LRRTM3: variants seen among roughly 807,000 people sequenced by gnomAD.
LRRTM3 encodes the protein leucine rich repeat transmembrane neuronal 3.
LRRTM3 carries 24 observed loss-of-function variants against 44.7 expected under a neutral mutation model. The observed-to-expected ratio is 0.54, with a 90% CI of 0.39 to 0.76. LRRTM3 has a LOEUF of 0.76. LRRTM3 is among the 30% of genes least tolerant of loss of function. The pLI is 0.00. For missense variants in LRRTM3, 587 were observed against 702.2 expected (o/e 0.84, Z 1.85); for synonymous variants, 277 against 278.7 (o/e 0.99, Z 0.06).
chr10:66,962,347 C>A, intron 2 of LRRTM3, among the ~76,000 whole-genome samples: 1 of 152,050 alleles, frequency 6.6e-6, no homozygotes, highest in East Asian at 1.9e-4. Context: ...GCCTATAATA[C>A]TCTTGCCCCA....
intron 2 of LRRTM3, among the ~76,000 whole-genome samples, chr10:67,014,468 T>C (rs1589604535): frequency 6.6e-6 from 1 of 152,308 alleles, no homozygotes; most frequent in Admixed American, 6.5e-5. Flanking sequence ...TTGTAACATA[T>C]GCATTCTTGA....
At chr10:67,053,704 C>A (rs145147467) in intron 2 of LRRTM3, among the ~76,000 whole-genome samples, 191 of 151,874 alleles carry the variant, frequency 1.3e-3, no homozygotes, top group Middle Eastern at 3.4e-3. Context: ...AGAGCAAAAA[C>A]AAATGAAAAA....
intron 2 of LRRTM3, among the ~76,000 whole-genome samples, chr10:67,092,265 G>A (rs538884692): frequency 1.3e-5 from 2 of 151,984 alleles, no homozygotes; most frequent in East Asian, 3.9e-4. Flanking sequence ...GATTTCCCCT[G>A]TGATATATGA....
At chr10:66,932,774 T>C (rs1431586246) in intron 2 of LRRTM3, among the ~76,000 whole-genome samples, 1 of 152,192 alleles carries the variant, frequency 6.6e-6, no homozygotes, top group East Asian at 1.9e-4. Context: ...GGACCCAAAT[T>C]CTTTTAGCCT....
intron 2 of LRRTM3, among the ~76,000 whole-genome samples, chr10:67,044,455 A>G (rs1188652958): frequency 6.6e-6 from 1 of 152,086 alleles, no homozygotes; most frequent in Non-Finnish European, 1.5e-5. Flanking sequence ...AAGGGAGTCA[A>G]AATGGATTGT....
chr10:67,093,050 G>C (rs905236025), intron 2 of LRRTM3, among the ~76,000 whole-genome samples: 1 of 151,866 alleles, frequency 6.6e-6, no homozygotes, highest in Non-Finnish European at 1.5e-5. Flanking sequence ...CTTGGAAAAC[G>C]GTGATTTAGA....
At chr10:66,949,268 T>G (rs562934295) in intron 2 of LRRTM3, among the ~76,000 whole-genome samples, 1 of 152,232 alleles carries the variant, frequency 6.6e-6, no homozygotes, top group South Asian at 2.1e-4. Flanking sequence ...AAAATCACTA[T>G]GGCCAGACCA....
intron 2 of LRRTM3, among the ~76,000 whole-genome samples, chr10:67,013,912 G>A (rs895345181): frequency 1.3e-5 from 2 of 152,088 alleles, no homozygotes; most frequent in African/African-American, 4.8e-5. Flanking sequence ...GCCATTTGGG[G>A]TGTGAAAAGG....
chr10:66,979,434 G>T (rs1180513493), intron 2 of LRRTM3, among the ~76,000 whole-genome samples: 1 of 152,102 alleles, frequency 6.6e-6, no homozygotes, highest in Admixed American at 6.6e-5. Flanking sequence ...TTAAAAGAAA[G>T]AATGAAAAAT....
At chr10:67,062,282 G>A (rs569942799) in intron 2 of LRRTM3, among the ~76,000 whole-genome samples, 7 of 152,060 alleles carry the variant, frequency 4.6e-5, no homozygotes, top group Non-Finnish European at 7.4e-5. Context: ...GTAACTTATA[G>A]CATATAAGCT....
intron 2 of LRRTM3, among the ~76,000 whole-genome samples, chr10:66,955,781 T>C (rs1223124101): frequency 6.6e-6 from 1 of 152,168 alleles, no homozygotes. Flanking sequence ...TCATTGATGG[T>C]ATAAACATTA....
At chr10:66,944,382 A>G (rs987626282) in intron 2 of LRRTM3, among the ~76,000 whole-genome samples, 1 of 152,044 alleles carries the variant, frequency 6.6e-6, no homozygotes, top group African/African-American at 2.4e-5. Context: ...TTCACACTCC[A>G]TCTCTAATTC....
At position 66,927,351 on chromosome 10, in the gene LRRTM3, G is replaced by T; in HGVS notation, c.435G>T (p.Leu145=). The T allele has an allele frequency of 1.2e-6, 2 of 1,614,142 alleles. No individual in the cohort carries two copies. The highest frequency in any genetic ancestry group is 1.7e-6 in the Non-Finnish European group (2 of 1,180,036). The change falls in exon 2 of 3, where the codon CTG becomes CTT. Residue 145 remains leucine, a synonymous_variant. Coordinates refer to ENST00000361320, the MANE Select transcript of LRRTM3 (RefSeq NM_178011.5). This position sits in a 1 kb window ranked among gnomAD's most constrained non-coding sequence, Gnocchi z 4.7. ...LRNLDLSYNQ[L]HSLGSEQFRG... ...ACTTGGATCTGTCCTATAATCAGCT[G>T]CATTCTCTGGGATCTGAACAGTTTC...
At chr10:66,982,415 T>C (rs1326465411) in intron 2 of LRRTM3, among the ~76,000 whole-genome samples, 1 of 152,174 alleles carries the variant, frequency 6.6e-6, no homozygotes, top group Non-Finnish European at 1.5e-5. Context: ...TTTTCACCTC[T>C]AACCAAGGAT....
At chr10:66,962,770 C>A (rs567272596) in intron 2 of LRRTM3, among the ~76,000 whole-genome samples, 162 of 152,252 alleles carry the variant, frequency 1.1e-3, no homozygotes, top group African/African-American at 3.9e-3. Context: ...ATACCCCCTA[C>A]TTAAAATGGC....
chr10:67,057,343 A>G (rs1855499281), intron 2 of LRRTM3, among the ~76,000 whole-genome samples: 1 of 152,094 alleles, frequency 6.6e-6, no homozygotes, highest in South Asian at 2.1e-4. Flanking sequence ...ATTATTAACT[A>G]TAGTCACCAT....
At chr10:67,087,255 G>T (rs1002619973) in intron 2 of LRRTM3, among the ~76,000 whole-genome samples, 3 of 152,078 alleles carry the variant, frequency 2.0e-5, no homozygotes, top group South Asian at 2.1e-4. Flanking sequence ...AACACAGAAG[G>T]GTCCAGGGAA....
chr10:67,019,202 C>T (rs1852838049), intron 2 of LRRTM3, among the ~76,000 whole-genome samples: 1 of 152,064 alleles, frequency 6.6e-6, no homozygotes, highest in African/African-American at 2.4e-5. Context: ...TGCCACTTTT[C>T]TTTTTTTAAT....
chr10:67,056,510 G>A (rs1206854225), intron 2 of LRRTM3, among the ~76,000 whole-genome samples: 3 of 152,090 alleles, frequency 2.0e-5, no homozygotes, highest in Non-Finnish European at 2.9e-5. Flanking sequence ...ATCCACTCCT[G>A]ATCTGTATCT....
Sources: gnomAD v4.1 joint callset for allele counts (sites outside exome capture counted in the v4.1 genomes callset) on GRCh38, gnomAD v4.1.1 for gene constraint, Gnocchi (gnomAD v3.1) non-coding constraint, MANE v1.5 for transcripts, NCBI Gene and HGNC (gene_info 2026-07-23, HGNC 2026-07-21) for gene names.